CDH13: variants seen among roughly 807,000 people sequenced by gnomAD.
The protein encoded by CDH13 is cadherin 13, also known as cadherin-13.
CDH13 carries 24 observed loss-of-function variants against 63.8 expected under a neutral mutation model. That is an observed-to-expected ratio of 0.38 (90% confidence interval 0.27 to 0.53). The LOEUF is 0.53. Ranked by LOEUF, CDH13 falls within the 20% of genes least tolerant of loss-of-function variation. The pLI is 0.85. For synonymous variants in CDH13, 503 were observed against 355.3 expected, an observed-to-expected ratio of 1.42 and a Z score of -4.67; for missense variants, 1,049 against 903.1, an observed-to-expected ratio of 1.16 and a Z score of -2.07.
At chr16:82,676,375 C>T (rs1317044910) in intron 1 of CDH13, among the ~76,000 whole-genome samples, 2 of 152,012 alleles carry the variant, frequency 1.3e-5, no homozygotes, top group Non-Finnish European at 2.9e-5. Context: ...TTTCCCCTTT[C>T]TCACAGTCAA....
In CDH13 at chr16:83,165,184, T is replaced by A. The variant is rs944629434; in HGVS notation, c.483+39683T>A. On this transcript the variant is annotated intron_variant, in intron 4 of 13. Transcript: ENST00000567109. ...AGAGGATCAAGGGAAAAAGGCCAAG[T>A]CCAGTAAGTCCCTCCAAACGTCAAG... is the stretch of plus-strand genomic sequence containing the variant. Among the ~76,000 whole-genome samples, 4 of 151,798 alleles carry A rather than the reference T, an allele frequency of 2.6e-5. No homozygotes were observed. In the South Asian group the frequency reaches 8.3e-4, roughly 32 times the overall value.
chr16:83,276,876 CAACA>C (rs1173837255), intron 5 of CDH13, among the ~76,000 whole-genome samples: 1 of 152,092 alleles, frequency 6.6e-6, no homozygotes, highest in Non-Finnish European at 1.5e-5. Context: ...TCTCAAAAAA[CAACA>C]AACAAAAGCA....
At chr16:83,582,032 G>C (rs2150723253) in intron 7 of CDH13, among the ~76,000 whole-genome samples, 1 of 152,236 alleles carries the variant, frequency 6.6e-6, no homozygotes, top group South Asian at 2.1e-4. Context: ...TCCTGGGTGG[G>C]TGAATGTTTG....
intron 4 of CDH13, among the ~76,000 whole-genome samples, chr16:83,169,005 T>C (rs915195004): frequency 1.3e-5 from 2 of 152,172 alleles, no homozygotes; most frequent in African/African-American, 4.8e-5. Context: ...CACAGTTATC[T>C]ATTTTCTTAG....
chr16:83,569,882 G>A (rs979374468), intron 7 of CDH13, among the ~76,000 whole-genome samples: 9 of 152,104 alleles, frequency 5.9e-5, no homozygotes, highest in African/African-American at 2.2e-4. Context: ...GACTACAGGT[G>A]CACGCCACCA....
At chr16:82,995,971 C>T (rs1912163768) in intron 2 of CDH13, among the ~76,000 whole-genome samples, 1 of 152,174 alleles carries the variant, frequency 6.6e-6, no homozygotes, top group East Asian at 1.9e-4. Flanking sequence ...CCATGCATCG[C>T]TGTTTGTCAA....
chr16:82,970,290 G>C (rs1231592512), intron 2 of CDH13, among the ~76,000 whole-genome samples: 1 of 151,190 alleles, frequency 6.6e-6, no homozygotes, highest in Non-Finnish European at 1.5e-5. Flanking sequence ...AGTATTCCCT[G>C]GTATATATGT....
chr16:83,258,147 C>T lies in CDH13; in HGVS notation c.636+40650C>T, dbSNP rs78173909. Among the ~76,000 whole-genome samples, 886 of 152,258 alleles carry T rather than the reference C, an allele frequency of 5.8e-3. 8 individuals are homozygous for T. The highest frequency in any genetic ancestry group is 0.02 in the African/African-American group (837 of 41,548). On this transcript the variant is annotated intron_variant, in intron 5 of 13. Transcript: ENST00000567109. ...GGGCTATTTCTGATTTACACAATAA[C>T]GTATACTAATCACATTCATTAAGAT... is the stretch of plus-strand genomic sequence containing the variant.
At chr16:82,904,223 CTT>C (rs1309962087) in intron 2 of CDH13, among the ~76,000 whole-genome samples, 1 of 152,058 alleles carries the variant, frequency 6.6e-6, no homozygotes, top group Non-Finnish European at 1.5e-5. Context: ...TAAATACAAA[CTT>C]TTGTCAATCA....
chr16:83,424,838 G>A (rs17215445), intron 6 of CDH13, among the ~76,000 whole-genome samples: 46 of 152,196 alleles, frequency 3.0e-4, no homozygotes, highest in Middle Eastern at 3.4e-3. Context: ...GTAGCTCTTC[G>A]CAGCTTGTGC....
At chr16:82,838,654 G>A (rs1644354673) in intron 1 of CDH13, among the ~76,000 whole-genome samples, 1 of 152,094 alleles carries the variant, frequency 6.6e-6, no homozygotes, top group Non-Finnish European at 1.5e-5. Context: ...GTTCACAGAG[G>A]GCTGCTTAAG....
rs902113645 is a variant in CDH13 at position 82,767,498 on chromosome 16, A to G, written c.46-90864A>G. 5.3e-5 allele frequency among the ~76,000 whole-genome samples: 8 copies of G among 152,306 alleles called. No individual in the cohort carries two copies. In the South Asian group the frequency reaches 1.7e-3, roughly 32 times the overall value. ...GCTTTCTGAATCGGGAAAAACAAAT[A>G]TTTTTGTGTTTGTAGAAGTCTAGCT... On this transcript the variant is annotated intron_variant, in intron 1 of 13. Coordinates refer to ENST00000567109, the MANE Select transcript of CDH13 (RefSeq NM_001257.5).
intron 10 of CDH13, among the ~76,000 whole-genome samples, chr16:83,690,985 G>T (rs945630790): frequency 2.6e-5 from 4 of 152,104 alleles, no homozygotes; most frequent in Non-Finnish European, 5.9e-5. Context: ...GCCTCCCAAA[G>T]TGCTGGGATA....
At chr16:83,061,877 C>A (rs542884824) in intron 3 of CDH13, among the ~76,000 whole-genome samples, 14 of 152,278 alleles carry the variant, frequency 9.2e-5, no homozygotes, top group Middle Eastern at 3.4e-3. Flanking sequence ...CTAATGTCAG[C>A]CCTGAGATGT....
At chr16:83,311,443 T>C (rs1408050743) in intron 5 of CDH13, among the ~76,000 whole-genome samples, 2 of 152,200 alleles carry the variant, frequency 1.3e-5, no homozygotes, top group Admixed American at 1.3e-4. Flanking sequence ...TTCCTCTGAG[T>C]TTTCTCCTTA....
At chr16:83,065,876 A>T (rs754263540) in intron 3 of CDH13, among the ~76,000 whole-genome samples, 1 of 152,138 alleles carries the variant, frequency 6.6e-6, no homozygotes, top group Non-Finnish European at 1.5e-5. Flanking sequence ...CAAAGCCTCT[A>T]CTAAACCATG....
intron 6 of CDH13, among the ~76,000 whole-genome samples, chr16:83,347,390 C>A (rs1192093285): frequency 6.6e-6 from 1 of 151,776 alleles, no homozygotes; most frequent in Non-Finnish European, 1.5e-5. Context: ...GGGTTGGGGG[C>A]TGACTCTGGA....
chr16:82,950,120 G>T (rs1291029593), intron 2 of CDH13, among the ~76,000 whole-genome samples: 1 of 152,126 alleles, frequency 6.6e-6, no homozygotes, highest in Non-Finnish European at 1.5e-5. Context: ...ATCTCTTCTA[G>T]AGGCTGGAAG....
At chr16:82,902,604 C>T (rs1296555296) in intron 2 of CDH13, among the ~76,000 whole-genome samples, 3 of 150,792 alleles carry the variant, frequency 2.0e-5, no homozygotes, top group Non-Finnish European at 4.4e-5. Context: ...CCTCTTTTCT[C>T]ACGTGCTTCT....
Sources: gnomAD v4.1 joint callset for allele counts (sites outside exome capture counted in the v4.1 genomes callset) on GRCh38, gnomAD v4.1.1 for gene constraint, MANE v1.5 for transcripts, NCBI Gene and HGNC (gene_info 2026-07-23, HGNC 2026-07-21) for gene names.